PIGK: variants seen among roughly 807,000 people sequenced by gnomAD.
The protein encoded by PIGK is GPI-anchor transamidase.
Under a neutral mutation model 50.6 loss-of-function variants are expected in PIGK, and 42 were observed. The ratio of observed to expected loss-of-function variants is 0.83; its 90% CI spans 0.65 to 1.07. PIGK has a LOEUF of 1.07. PIGK is among the 50% of genes least tolerant of loss of function. PIGK has a pLI of 0.00. For synonymous variants in PIGK, 151 were observed against 156.0 expected (o/e 0.97, Z 0.24); for missense variants, 448 against 488.7 (o/e 0.92, Z 0.78).
intron 4 of PIGK, 35 bp downstream of exon 4, chr1:77,169,225 C>T (rs774100369): frequency 5.1e-6 from 7 of 1,372,094 alleles, no homozygotes; most frequent in South Asian, 4.5e-5. Context: ...AGTAACAATG[C>T]CATTTTAAAA....
At chr1:77,202,278 A>G (rs944752749) in intron 3 of PIGK, among the ~76,000 whole-genome samples, 1 of 152,216 alleles carries the variant, frequency 6.6e-6, no homozygotes, top group Non-Finnish European at 1.5e-5. Flanking sequence ...TGAGAAATAC[A>G]TAGTATAACA....
chr1:77,158,534 A>G (rs890865172), intron 8 of PIGK, among the ~76,000 whole-genome samples: 3 of 152,108 alleles, frequency 2.0e-5, no homozygotes, highest in African/African-American at 7.2e-5. Flanking sequence ...AAAAGTCTGG[A>G]GCTTCTTAGA....
At chr1:77,181,375 C>CA (rs937767208) in intron 3 of PIGK, among the ~76,000 whole-genome samples, 6 of 151,924 alleles carry the variant, frequency 3.9e-5, no homozygotes, top group African/African-American at 1.2e-4. Flanking sequence ...TGTGAAATTT[C>CA]AAAAAACACA....
intron 3 of PIGK, among the ~76,000 whole-genome samples, chr1:77,187,783 C>T (rs936562550): frequency 2.6e-5 from 4 of 152,136 alleles, no homozygotes; most frequent in Non-Finnish European, 2.9e-5. Context: ...TCACCTGTTG[C>T]GGGAAGTCAG....
chr1:77,155,723 G>A (rs1487449135), intron 8 of PIGK, among the ~76,000 whole-genome samples: 2 of 152,110 alleles, frequency 1.3e-5, no homozygotes, highest in Non-Finnish European at 2.9e-5. Context: ...TGAGAGATAT[G>A]AGGAAAAATA....
At position 77,141,785 on chromosome 1, in the gene PIGK, T is replaced by TG. The variant is rs1654655120; in HGVS notation, c.986+12663_986+12664insC. Among the ~76,000 whole-genome samples the TG allele has an allele frequency of 2.0e-5, 3 of 152,138 alleles. No individual in the cohort carries two copies. The South Asian group carries it at 6.2e-4, about 31-fold the overall frequency. On this transcript the variant is annotated intron_variant, in intron 9 of 10. Transcript: ENST00000370812. ...AAAAGCTCACAAAAATAACCTTACT[T>TG]TGACTTTTTAGGTCCACTTTGGCAT...
chr1:77,210,999 G>A lies in PIGK; in HGVS notation c.94-510C>T, dbSNP rs574870610. 3.9e-4 allele frequency among the ~76,000 whole-genome samples: 59 copies of A among 152,050 alleles called. 2 individuals carry two copies. The South Asian group carries it at 0.012, about 30-fold the overall frequency. ...GTAGAATGTATGTTCAATTAAGAAC[G>A]TACAATCTGCTTGTTCAACATTTAA... is the stretch of plus-strand genomic sequence containing the variant. On this transcript the variant is annotated intron_variant, in intron 1 of 10. Transcript: ENST00000370812.
chr1:77,109,235 G>A (rs1653778105), intron 10 of PIGK, among the ~76,000 whole-genome samples: 1 of 152,200 alleles, frequency 6.6e-6, no homozygotes. Flanking sequence ...TAGAAAAAGA[G>A]GGAATCCTCC....
intron 3 of PIGK, chr1:77,195,118 A>G: frequency 8.3e-7 from 1 of 1,202,792 alleles, no homozygotes; most frequent in Non-Finnish European, 1.2e-6. Context: ...ATTACACAGG[A>G]AGGAGGGTGA....
intron 8 of PIGK, among the ~76,000 whole-genome samples, chr1:77,155,495 A>C (rs1557808387): frequency 6.6e-6 from 1 of 152,234 alleles, no homozygotes; most frequent in Non-Finnish European, 1.5e-5. Context: ...GTTACAGATG[A>C]ATAAACATAA....
At chr1:77,143,855 AT>A (rs1277109465) in intron 9 of PIGK, among the ~76,000 whole-genome samples, 2 of 152,128 alleles carry the variant, frequency 1.3e-5, no homozygotes, top group Admixed American at 1.3e-4. Flanking sequence ...TTCAAATAGA[AT>A]TCTAGCAATA....
At chr1:77,138,051 C>G (rs1374796331) in intron 9 of PIGK, among the ~76,000 whole-genome samples, 1 of 152,092 alleles carries the variant, frequency 6.6e-6, no homozygotes, top group Non-Finnish European at 1.5e-5. Flanking sequence ...ATTCTTATCC[C>G]TTGGTGTTCA....
At chr1:77,179,862 T>C (rs1655572475) in intron 3 of PIGK, among the ~76,000 whole-genome samples, 4 of 152,334 alleles carry the variant, frequency 2.6e-5, no homozygotes, top group South Asian at 2.1e-4. Context: ...AGATATTATA[T>C]TTACATAAGC....
At chr1:77,170,850 A>C (rs2100561674) in intron 3 of PIGK, among the ~76,000 whole-genome samples, 1 of 152,290 alleles carries the variant, frequency 6.6e-6, no homozygotes, top group African/African-American at 2.4e-5. Flanking sequence ...GCAAGAAGAA[A>C]ATGTTCTGCT....
At chr1:77,154,971 C>A (rs1157052245) in intron 8 of PIGK, among the ~76,000 whole-genome samples, 1 of 152,162 alleles carries the variant, frequency 6.6e-6, no homozygotes, top group Non-Finnish European at 1.5e-5. Context: ...TTGTCTGTAT[C>A]CATCACAGTG....
rs183849426 is a variant in PIGK, at chr1:77,206,572, T to C, written c.239+68A>G. 2,082 of 874,608 alleles carry C rather than the reference T, an allele frequency of 2.4e-3. 15 individuals carry two copies. The highest frequency in any genetic ancestry group is 2.3e-3 in the Non-Finnish European group (1,257 of 547,176). The allele number at this position is 874,608 out of a possible 1,614,324, so 54.2% of individuals were successfully genotyped here. A position where few individuals can be genotyped will look rare whatever the true frequency, so the allele number is the denominator to read the frequency against. Reference sequence around the variant, plus strand: ...TTTCAAAAGTAACACAAAATACAAATATAATAACAATTATCTAAGGGTTAT... The same window carrying C: ...TTTCAAAAGTAACACAAAATACAAACATAATAACAATTATCTAAGGGTTAT... On this transcript the variant is annotated intron_variant, in intron 3 of 10. Coordinates refer to ENST00000370812, the MANE Select transcript of PIGK (RefSeq NM_005482.3).
chr1:77,133,429 T>C (rs1654425383), intron 9 of PIGK, among the ~76,000 whole-genome samples: 1 of 152,208 alleles, frequency 6.6e-6, no homozygotes, highest in South Asian at 2.1e-4. Context: ...TTAAACATAG[T>C]TATTTTAAAG....
intron 2 of PIGK, among the ~76,000 whole-genome samples, chr1:77,208,338 T>C (rs1656338729): frequency 1.3e-5 from 2 of 152,166 alleles, no homozygotes; most frequent in Non-Finnish European, 2.9e-5. Flanking sequence ...AATACAATGC[T>C]CAGTAATGTT....
At position 77,169,242 on chromosome 1, in the gene PIGK, CTAGAT is replaced by C. The variant is rs771064899; in HGVS notation, c.375+13_375+17del. 14 of 1,477,738 alleles carry C rather than the reference CTAGAT, an allele frequency of 9.5e-6. No individual in the cohort carries two copies. Among genetic ancestry groups the C allele is most frequent in the Non-Finnish European group, 1.3e-5 (14 of 1,094,598 alleles). 91.5% of individuals were successfully genotyped at this position (1,477,738 alleles called of 1,614,324 possible). ...TAACAATGCCATTTTAAAAATGTGG[CTAGAT>C]TAAAGAATTTACCTCGTAACTTCTA... is the stretch of plus-strand genomic sequence containing the variant. On this transcript the variant is annotated intron_variant, in intron 4 of 10. Transcript: ENST00000370812.
Sources: allele counts gnomAD v4.1 joint callset (sites outside exome capture counted in the v4.1 genomes callset), GRCh38; gene constraint gnomAD v4.1.1; transcripts MANE v1.5; gene names NCBI Gene and HGNC (gene_info 2026-07-23, HGNC 2026-07-21).